NLGN4X: variants seen among roughly 807,000 people sequenced by gnomAD.
The protein encoded by NLGN4X is neuroligin-4, X-linked.
NLGN4X carries 3 observed loss-of-function variants against 40.3 expected under a neutral mutation model. The observed-to-expected ratio is 0.07, with a 90% confidence interval of 0.03 to 0.19. NLGN4X has a LOEUF of 0.19. Among genes scored for constraint, NLGN4X ranks in the 10% least tolerant of loss-of-function variants. The pLI, the probability that NLGN4X is intolerant of heterozygous loss-of-function variation, is 1.00. For missense variants in NLGN4X, 382 were observed against 708.3 expected (o/e 0.54, Z 5.23); for synonymous variants, 270 against 306.8 (o/e 0.88, Z 1.25).
At chrX:6,223,354 G>A (rs754437523) in intron 1 of NLGN4X, among the ~76,000 whole-genome samples, 2 of 110,907 alleles carry the variant, frequency 1.8e-5, no homozygotes, top group South Asian at 7.7e-4. Context: ...GAGGTAGATG[G>A]GCTGTTTTCC....
Position 6,124,173 on chromosome X carries a change from G to A in NLGN4X, c.472+26822C>T, listed in dbSNP as rs1242882472. On this transcript the variant is annotated intron_variant, in intron 2 of 5. Transcript: ENST00000381095. ...AAAAGGAATGGAAGATTAAAAAGGTGTAACTGACACTTTCATGTAACATCC... is the reference window on the plus strand; with the variant it reads ...AAAAGGAATGGAAGATTAAAAAGGTATAACTGACACTTTCATGTAACATCC... Among the ~76,000 whole-genome samples, 5 of 110,989 alleles carry A rather than the reference G, an allele frequency of 4.5e-5. No individual in the cohort carries two copies. In the South Asian group the frequency reaches 1.1e-3, roughly 25 times the overall value.
intron 1 of NLGN4X, among the ~76,000 whole-genome samples, chrX:6,210,433 C>T (rs1271983599): frequency 9.0e-6 from 1 of 111,039 alleles, no homozygotes; most frequent in Non-Finnish European, 1.9e-5. Context: ...ATGATTGCAT[C>T]ACTGCACTCC....
intron 3 of NLGN4X, among the ~76,000 whole-genome samples, chrX:5,975,474 A>C (rs1461155763): frequency 3.6e-5 from 4 of 109,726 alleles, no homozygotes; most frequent in African/African-American, 1.3e-4. Flanking sequence ...TTAGCCAGGC[A>C]TAGTGGTGGG....
intron 2 of NLGN4X, among the ~76,000 whole-genome samples, chrX:6,085,161 T>G (rs985481958): frequency 3.6e-5 from 4 of 109,593 alleles, no homozygotes; most frequent in African/African-American, 9.9e-5. Context: ...TCCAGCGATC[T>G]ATGTCAGACG....
intron 3 of NLGN4X, among the ~76,000 whole-genome samples, chrX:5,940,435 T>G (rs1426235615): frequency 9.0e-6 from 1 of 111,048 alleles, no homozygotes; most frequent in South Asian, 3.8e-4. Flanking sequence ...GACTGTGTTA[T>G]AAGAAACGAA....
At chrX:5,947,460 T>C (rs1333239486) in intron 3 of NLGN4X, among the ~76,000 whole-genome samples, 3 of 111,654 alleles carry the variant, frequency 2.7e-5, no homozygotes, top group African/African-American at 9.8e-5. Flanking sequence ...GGGGGGAAAG[T>C]GGAGTCAGGT....
At chrX:6,093,477 G>A (rs2038688743) in intron 2 of NLGN4X, among the ~76,000 whole-genome samples, 1 of 111,134 alleles carries the variant, frequency 9.0e-6, no homozygotes, top group Admixed American at 9.6e-5. Flanking sequence ...AAATTAAGAA[G>A]AAAATACAGA....
intron 3 of NLGN4X, among the ~76,000 whole-genome samples, chrX:5,921,111 G>A (rs1331882371): frequency 1.0e-5 from 1 of 95,569 alleles, no homozygotes; most frequent in African/African-American, 4.1e-5. Flanking sequence ...TGTCAAACAA[G>A]ATCACATATG....
chrX:5,968,457 C>CTCTGTGTGTGTG (rs1192942244), intron 3 of NLGN4X, among the ~76,000 whole-genome samples: 1 of 47,018 alleles, frequency 2.1e-5, no homozygotes, highest in Admixed American at 3.1e-4. Context: ...CTCTCTCTCT[C>CTCTGTGTGTGTG]TGTGTGTGTG....
chrX:5,903,866 C>A lies in NLGN4X; in HGVS notation c.812G>T (p.Gly271Val). 8.3e-7 allele frequency: 1 copy of A among 1,211,789 alleles called. No homozygotes were observed. Among genetic ancestry groups the A allele is most frequent in the Non-Finnish European group, 1.1e-6 (1 of 895,552 alleles). ...CTGAATGATGGCCTTCTGGAAGAGA[C>A]CTGCAGGTGCAAAATTGTGGACATG... ...SLLTLSHYSE[G>V]LFQKAIIQSG... Residue 271 changes from glycine to valine, a missense_variant and splice_region_variant, in exon 5 of 6, where the codon GGT becomes GTT. Around this residue, in one of 5 missense-constraint regions of NLGN4X, gnomAD observed 32 missense variants for 85.2 expected, o/e 0.38. Coordinates refer to ENST00000381095, the MANE Select transcript of NLGN4X (RefSeq NM_181332.3).
At chrX:5,912,400 C>G (rs1454072060) in intron 3 of NLGN4X, among the ~76,000 whole-genome samples, 1 of 111,329 alleles carries the variant, frequency 9.0e-6, no homozygotes, top group Non-Finnish European at 1.9e-5. Context: ...TGGAAAAACC[C>G]AAGCCTCCAA....
intron 3 of NLGN4X, among the ~76,000 whole-genome samples, chrX:5,980,489 T>G (rs1336589151): frequency 9.3e-6 from 1 of 107,433 alleles, no homozygotes; most frequent in Non-Finnish European, 1.9e-5. Flanking sequence ...TTTTTTTTTT[T>G]CTCCTGGAAG....
At chrX:6,063,154 T>C (rs1403439053) in intron 2 of NLGN4X, among the ~76,000 whole-genome samples, 1 of 111,812 alleles carries the variant, frequency 8.9e-6, no homozygotes, top group African/African-American at 3.3e-5. Context: ...CTAGTTTTCT[T>C]CACAGCACTC....
chrX:6,050,776 C>CTATCT lies in NLGN4X; in HGVS notation c.473-21345_473-21344insAGATA, dbSNP rs369028719. ...ATTCACCCATGTCTGTCTGTCTGTC[C>CTATCT]ATCTATCTATCTATCTATCTATCTA... is the stretch of plus-strand genomic sequence containing the variant. On this transcript the variant is annotated intron_variant, in intron 2 of 5. Coordinates refer to ENST00000381095, the MANE Select transcript of NLGN4X (RefSeq NM_181332.3). Among the ~76,000 whole-genome samples the CTATCT allele has an allele frequency of 6.5e-4, 67 of 103,400 alleles. 1 individual carries two copies. Among genetic ancestry groups the CTATCT allele is most frequent in the Admixed American group, 1.3e-3 (12 of 9,271 alleles). The allele number at this position is 103,400 out of a possible 115,157, so 89.8% of individuals were successfully genotyped here.
chrX:6,061,553 C>A (rs756944763), intron 2 of NLGN4X: 12 of 111,868 alleles, frequency 1.1e-4, no homozygotes, highest in Admixed American at 3.8e-4. Flanking sequence ...CTTTTACCCC[C>A]AACACTCCAC....
chrX:5,988,880 C>T (rs770972695), intron 3 of NLGN4X, among the ~76,000 whole-genome samples: 1 of 110,921 alleles, frequency 9.0e-6, no homozygotes, highest in African/African-American at 3.3e-5. Flanking sequence ...GCCTGGCTAA[C>T]ATGGTGAAAC....
At chrX:6,176,150 T>C (rs1475516953) in intron 1 of NLGN4X, among the ~76,000 whole-genome samples, 1 of 111,572 alleles carries the variant, frequency 9.0e-6, no homozygotes, top group African/African-American at 3.3e-5. Context: ...GCCAGGCTCC[T>C]GGTCTCTCTC....
chrX:6,013,061 A>G, intron 3 of NLGN4X, among the ~76,000 whole-genome samples: 1 of 111,561 alleles, frequency 9.0e-6, no homozygotes, highest in Non-Finnish European at 1.9e-5. Flanking sequence ...AGACATTTAA[A>G]ATACCCATGG....
chrX:6,092,796 T>C (rs190191781), intron 2 of NLGN4X, among the ~76,000 whole-genome samples: 4 of 111,135 alleles, frequency 3.6e-5, no homozygotes, highest in Admixed American at 2.9e-4. Flanking sequence ...CTAAAGAGAT[T>C]AGACACAGAA....
Sources: gnomAD v4.1 joint callset for allele counts (sites outside exome capture counted in the v4.1 genomes callset) on GRCh38, gnomAD v4.1.1 for gene constraint, gnomAD v4.1.1 regional missense constraint, MANE v1.5 for transcripts, NCBI Gene and HGNC (gene_info 2026-07-23, HGNC 2026-07-21) for gene names.